The following PACRG variants were observed in gnomAD, a reference collection of about 807,000 sequenced individuals.
PACRG encodes the protein parkin coregulated gene protein.
PACRG carries 29 observed loss-of-function variants against 29.7 expected under a neutral mutation model. The observed-to-expected ratio is 0.98, with a 90% confidence interval of 0.73 to 1.33. The LOEUF (loss-of-function observed/expected upper bound fraction) is 1.33. PACRG is among the 40% of genes most tolerant of loss of function. The pLI, the probability that PACRG is intolerant of heterozygous loss-of-function variation, is 0.00. For synonymous variants in PACRG, 116 were observed against 118.7 expected, an observed-to-expected ratio of 0.98 and a Z score of 0.15; for missense variants, 279 against 316.2, an observed-to-expected ratio of 0.88 and a Z score of 0.89.
At position 162,777,790 on chromosome 6, in the gene PACRG, A is replaced by G. The variant is rs188720635; in HGVS notation, c.157-36357A>G. ...GAATCCTGCCATATGGTTCAAATGC[A>G]GCTGATTTGAACAACATTTACTGCA... On this transcript the variant is annotated intron_variant, in intron 1 of 4. Coordinates refer to ENST00000366888, the MANE Select transcript of PACRG (RefSeq NM_001080379.2). The surrounding 1 kb of genome is among the most constrained non-coding windows in gnomAD (Gnocchi z 4.0). Among the ~76,000 whole-genome samples the G allele has an allele frequency of 6.7e-4, 102 of 152,330 alleles. No homozygotes were observed. The East Asian group carries it at 0.01, about 15-fold the overall frequency.
At chr6:163,041,268 C>T (rs6939384) in intron 2 of PACRG, among the ~76,000 whole-genome samples, 23,182 of 151,780 alleles carry the variant, frequency 0.15, 1,914 homozygotes, top group East Asian at 0.26. Flanking sequence ...ACCTGGGAGG[C>T]GGAGCTTGCA....
At chr6:162,921,422 A>G (rs1261203160) in intron 2 of PACRG, among the ~76,000 whole-genome samples, 1 of 152,114 alleles carries the variant, frequency 6.6e-6, no homozygotes, top group Non-Finnish European at 1.5e-5. Context: ...TTTCCTCCGG[A>G]GGCTGTCTGA....
intron 4 of PACRG, among the ~76,000 whole-genome samples, chr6:163,179,802 G>A (rs55902653): frequency 0.066 from 9,970 of 152,178 alleles, 398 homozygotes; most frequent in South Asian, 0.13. Flanking sequence ...GTGTTATGGT[G>A]GGATCCAAGT....
chr6:162,997,686 T>G (rs1804200288), intron 2 of PACRG: 2 of 243,566 alleles, frequency 8.2e-6, no homozygotes, highest in African/African-American at 4.7e-5. Flanking sequence ...CAGTTTCCAT[T>G]CTAATCAGCC....
At chr6:162,802,709 T>C (rs1785979846) in intron 1 of PACRG, among the ~76,000 whole-genome samples, 1 of 152,144 alleles carries the variant, frequency 6.6e-6, no homozygotes, top group Non-Finnish European at 1.5e-5. Flanking sequence ...CACCTCATCA[T>C]GTCACTACTG....
chr6:162,763,306 AAGC>A (rs1782524721), intron 1 of PACRG, among the ~76,000 whole-genome samples: 1 of 152,166 alleles, frequency 6.6e-6, no homozygotes, highest in Non-Finnish European at 1.5e-5. Context: ...TCTCCTTGAG[AAGC>A]AGCAGGAAGG....
intron 4 of PACRG, among the ~76,000 whole-genome samples, chr6:163,251,648 A>T (rs1031704501): frequency 3.9e-5 from 6 of 152,210 alleles, no homozygotes; most frequent in African/African-American, 1.2e-4. Flanking sequence ...TTACTCATCC[A>T]TTCTGTATTG....
chr6:162,939,899 A>G (rs1247913635), intron 2 of PACRG, among the ~76,000 whole-genome samples: 1 of 152,214 alleles, frequency 6.6e-6, no homozygotes, highest in African/African-American at 2.4e-5. Context: ...AGAACCATAC[A>G]GTAAATTAGT....
At chr6:162,972,935 T>C (rs1472411193) in intron 2 of PACRG, among the ~76,000 whole-genome samples, 1 of 152,222 alleles carries the variant, frequency 6.6e-6, no homozygotes, top group Non-Finnish European at 1.5e-5. Context: ...ATCCCTGTTA[T>C]AAAGCAGGTT....
intron 4 of PACRG, among the ~76,000 whole-genome samples, chr6:163,276,708 C>G (rs1784040974): frequency 6.6e-6 from 1 of 152,178 alleles, no homozygotes; most frequent in African/African-American, 2.4e-5. Context: ...GATATTAACA[C>G]CCTTAGAGAA....
chr6:163,026,353 T>C (rs919013918), intron 2 of PACRG, among the ~76,000 whole-genome samples: 1 of 152,230 alleles, frequency 6.6e-6, no homozygotes, highest in African/African-American at 2.4e-5. Context: ...TTCCCAAAAA[T>C]TATTTTGGTG....
chr6:163,036,003 C>T (rs1464678888), intron 2 of PACRG, among the ~76,000 whole-genome samples: 2 of 151,946 alleles, frequency 1.3e-5, no homozygotes, highest in Admixed American at 6.6e-5. Flanking sequence ...CTACTCTCAT[C>T]GATGATTTTA....
rs142477123 is a variant in PACRG at position 162,955,323 on chromosome 6, G to A, written c.292-106827G>A. On this transcript the variant is annotated intron_variant, in intron 2 of 4. Coordinates refer to ENST00000366888, the MANE Select transcript of PACRG (RefSeq NM_001080379.2). Reference sequence around the variant, plus strand: ...GTTTTTGTTTTTGTTTTTTTGAGACGGAGTCTCTCTCTGTTGCCCAAGCTG... The same window carrying A: ...GTTTTTGTTTTTGTTTTTTTGAGACAGAGTCTCTCTCTGTTGCCCAAGCTG... Among the ~76,000 whole-genome samples the A allele has an allele frequency of 4.1e-3, 626 of 151,986 alleles. 5 individuals are homozygous for A. The highest frequency in any genetic ancestry group is 0.014 in the African/African-American group (561 of 41,456).
intron 1 of PACRG, among the ~76,000 whole-genome samples, chr6:162,745,303 A>G (rs1445380190): frequency 1.3e-5 from 2 of 151,976 alleles, no homozygotes; most frequent in East Asian, 1.9e-4. Context: ...CAAACACTGC[A>G]TGTTCTCACT....
intron 4 of PACRG, among the ~76,000 whole-genome samples, chr6:163,286,246 C>A (rs145429853): frequency 6.6e-6 from 1 of 152,080 alleles, no homozygotes; most frequent in African/African-American, 2.4e-5. Flanking sequence ...GTAAAACTGG[C>A]GTGAGTTGTC....
intron 2 of PACRG, among the ~76,000 whole-genome samples, chr6:163,021,538 C>G (rs1048610622): frequency 6.6e-6 from 1 of 152,066 alleles, no homozygotes; most frequent in African/African-American, 2.4e-5. Context: ...TGTCTCTTCC[C>G]AGCTCATGGC....
At chr6:163,221,504 G>A (rs1367599889) in intron 4 of PACRG, among the ~76,000 whole-genome samples, 2 of 152,192 alleles carry the variant, frequency 1.3e-5, no homozygotes, top group Admixed American at 1.3e-4. Flanking sequence ...TGACTCTCAG[G>A]GAGGTACTTT....
intron 4 of PACRG, among the ~76,000 whole-genome samples, chr6:163,174,307 T>G (rs139399342): frequency 1.3e-5 from 2 of 152,236 alleles, no homozygotes; most frequent in African/African-American, 4.8e-5. Flanking sequence ...CTGGGCTGTA[T>G]GCAGCCCATG....
intron 4 of PACRG, among the ~76,000 whole-genome samples, chr6:163,232,968 G>A (rs1006100248): frequency 3.9e-5 from 6 of 152,138 alleles, no homozygotes; most frequent in East Asian, 1.9e-4. Flanking sequence ...CACCAGGGCC[G>A]CATCCCTCTG....
Sources: allele counts gnomAD v4.1 joint callset (sites outside exome capture counted in the v4.1 genomes callset), GRCh38; gene constraint gnomAD v4.1.1; non-coding constraint Gnocchi (gnomAD v3.1); transcripts MANE v1.5; gene names NCBI Gene and HGNC (gene_info 2026-07-23, HGNC 2026-07-21).